BBS9: variants seen among roughly 807,000 people sequenced by gnomAD.
BBS9 encodes Bardet-Biedl syndrome 9.
Under a neutral mutation model 117.7 loss-of-function variants are expected in BBS9, and 89 were observed. The ratio of observed to expected loss-of-function variants is 0.76; its 90% confidence interval spans 0.64 to 0.90. BBS9 has a LOEUF of 0.90. Among genes scored for constraint, BBS9 ranks in the 40% least tolerant of loss-of-function variants. The probability of loss-of-function intolerance (pLI) is 0.00; values close to 1 mark genes in which losing one functional copy is unlikely to be tolerated. For synonymous variants in BBS9, 379 were observed against 370.9 expected, an observed-to-expected ratio of 1.02 and a Z score of -0.25; for missense variants, 982 against 1,042.2, an observed-to-expected ratio of 0.94 and a Z score of 0.80.
intron 21 of BBS9, among the ~76,000 whole-genome samples, chr7:33,561,173 C>A (rs1585260661): frequency 1.3e-5 from 2 of 152,192 alleles, no homozygotes; most frequent in African/African-American, 4.8e-5. Context: ...ACCTAATACA[C>A]TGAAGAAGAA....
At chr7:33,151,113 A>G (rs1181820621) in intron 2 of BBS9, among the ~76,000 whole-genome samples, 1 of 152,206 alleles carries the variant, frequency 6.6e-6, no homozygotes. Flanking sequence ...TTAGCTGGGC[A>G]TGAAGGCATA....
chr7:33,632,759 C>T (rs1299499955), intron 21 of BBS9, among the ~76,000 whole-genome samples: 1 of 152,016 alleles, frequency 6.6e-6, no homozygotes, highest in African/African-American at 2.4e-5. Flanking sequence ...ATGTACATAG[C>T]TTATAACAAG....
At chr7:33,138,789 A>G (rs572074990) in intron 1 of BBS9, among the ~76,000 whole-genome samples, 3 of 150,444 alleles carry the variant, frequency 2.0e-5, no homozygotes, top group Admixed American at 1.3e-4. Flanking sequence ...GGGTCTTGCT[A>G]TGTTGCCCAG....
intron 21 of BBS9, among the ~76,000 whole-genome samples, chr7:33,590,459 G>GTTTTTTTTT (rs71554107): frequency 4.9e-4 from 50 of 101,436 alleles, no homozygotes; most frequent in Non-Finnish European, 7.9e-4. Context: ...TTGTTTTTTT[G>GTTTTTTTTT]TTTTTTTTTT....
chr7:33,586,605 G>A (rs941960635), intron 21 of BBS9, among the ~76,000 whole-genome samples: 2 of 152,016 alleles, frequency 1.3e-5, no homozygotes, highest in Non-Finnish European at 2.9e-5. Context: ...TATGTTCATC[G>A]CAGTGCTATT....
intron 4 of BBS9, among the ~76,000 whole-genome samples, chr7:33,174,505 C>T (rs1797045346): frequency 6.6e-6 from 1 of 152,124 alleles, no homozygotes; most frequent in African/African-American, 2.4e-5. Flanking sequence ...AAGAGGTGTA[C>T]AGAAAATGGA....
At chr7:33,478,506 A>G (rs1842095278) in intron 19 of BBS9, among the ~76,000 whole-genome samples, 1 of 152,218 alleles carries the variant, frequency 6.6e-6, no homozygotes, top group African/African-American at 2.4e-5. Flanking sequence ...GGTGCAGTAG[A>G]GTTAAAACTA....
intron 21 of BBS9, among the ~76,000 whole-genome samples, chr7:33,596,612 G>T (rs952554064): frequency 6.6e-6 from 1 of 152,044 alleles, no homozygotes; most frequent in Non-Finnish European, 1.5e-5. Flanking sequence ...GTAAGTCCTT[G>T]TCTGTGTTTA....
At chr7:33,207,674 A>G (rs1381623987) in intron 5 of BBS9, among the ~76,000 whole-genome samples, 1 of 151,992 alleles carries the variant, frequency 6.6e-6, no homozygotes, top group Non-Finnish European at 1.5e-5. Context: ...TCCTGTTACT[A>G]TGGTATCTTT....
intron 11 of BBS9, among the ~76,000 whole-genome samples, chr7:33,344,222 C>A (rs929867868): frequency 2.2e-4 from 34 of 151,224 alleles, no homozygotes; most frequent in African/African-American, 7.3e-4. Context: ...GCTGGGACTA[C>A]AGGCGCCCGC....
chr7:33,212,775 T>C (rs766192396), intron 5 of BBS9, among the ~76,000 whole-genome samples: 4 of 152,230 alleles, frequency 2.6e-5, no homozygotes, highest in Non-Finnish European at 4.4e-5. Context: ...GGTACGGCCT[T>C]GGTAGCCTTC....
chr7:33,416,518 C>T (rs1475539611), intron 19 of BBS9, among the ~76,000 whole-genome samples: 6 of 151,908 alleles, frequency 3.9e-5, no homozygotes, highest in African/African-American at 9.7e-5. Flanking sequence ...GTACAGATCC[C>T]AAGGGGGCTC....
chr7:33,601,645 G>A (rs1237709638), intron 21 of BBS9, among the ~76,000 whole-genome samples: 3 of 152,072 alleles, frequency 2.0e-5, no homozygotes, highest in African/African-American at 4.8e-5. Flanking sequence ...ATTCCTGTTC[G>A]GCTGGTGTGA....
At chr7:33,354,297 C>T (rs186155241) in intron 15 of BBS9, among the ~76,000 whole-genome samples, 16 of 152,226 alleles carry the variant, frequency 1.1e-4, no homozygotes, top group African/African-American at 3.9e-4. Flanking sequence ...AAGACTGATC[C>T]ATTTTATTGT....
At chr7:33,390,903 T>C (rs1393481202) in intron 19 of BBS9, among the ~76,000 whole-genome samples, 1 of 152,194 alleles carries the variant, frequency 6.6e-6, no homozygotes, top group African/African-American at 2.4e-5. Flanking sequence ...CTCTCTTTTT[T>C]CTTTTTCTTC....
chr7:33,567,068 T>G (rs1400042964), intron 21 of BBS9, among the ~76,000 whole-genome samples: 1 of 152,184 alleles, frequency 6.6e-6, no homozygotes, highest in African/African-American at 2.4e-5. Flanking sequence ...GGAAGCCTGA[T>G]GTCATGTGGA....
chr7:33,159,897 A>G (rs1037605404), intron 4 of BBS9, among the ~76,000 whole-genome samples: 9 of 152,316 alleles, frequency 5.9e-5, no homozygotes, highest in African/African-American at 2.2e-4. Context: ...GTCCCCATGA[A>G]CCAAACCAAC....
At chr7:33,578,177 T>C (rs148529592) in intron 21 of BBS9, among the ~76,000 whole-genome samples, 8 of 152,332 alleles carry the variant, frequency 5.3e-5, no homozygotes, top group Non-Finnish European at 1.2e-4. Flanking sequence ...AGTTATCACA[T>C]TTAATTTCTA....
At chr7:33,571,944 T>C (rs1489409735) in intron 21 of BBS9, among the ~76,000 whole-genome samples, 1 of 152,088 alleles carries the variant, frequency 6.6e-6, no homozygotes, top group Non-Finnish European at 1.5e-5. Context: ...TAGGAACATA[T>C]CAATTCCACT....
Sources: allele counts gnomAD v4.1 joint callset (sites outside exome capture counted in the v4.1 genomes callset), GRCh38; gene constraint gnomAD v4.1.1; transcripts MANE v1.5; gene names NCBI Gene and HGNC (gene_info 2026-07-23, HGNC 2026-07-21).